The following ZNF516 variants were observed in gnomAD, a reference collection of about 807,000 sequenced individuals.
ZNF516 encodes the protein zinc finger protein 516.
Under a neutral mutation model 79.7 loss-of-function variants are expected in ZNF516, and 19 were observed. The observed-to-expected ratio is 0.24, with a 90% CI of 0.17 to 0.35. The LOEUF is 0.35. Ranked by LOEUF, ZNF516 falls within the 10% of genes least tolerant of loss-of-function variation. ZNF516 has a pLI of 1.00. For synonymous variants in ZNF516, 877 were observed against 739.5 expected, an observed-to-expected ratio of 1.19 and a Z score of -3.02; for missense variants, 1,678 against 1,679.5, an observed-to-expected ratio of 1.00 and a Z score of 0.02.
intron 1 of ZNF516, among the ~76,000 whole-genome samples, chr18:76,487,617 T>C (rs974365285): frequency 6.6e-6 from 1 of 152,218 alleles, no homozygotes; most frequent in African/African-American, 2.4e-5. Flanking sequence ...GACATGATTC[T>C]TTTCTTACAA....
At chr18:76,418,500 GTAACACGCACTGTAACACACTA>G (rs1187944025) in intron 3 of ZNF516, among the ~76,000 whole-genome samples, 4 of 151,722 alleles carry the variant, frequency 2.6e-5, no homozygotes, top group Admixed American at 6.6e-5. Flanking sequence ...AACATACGCT[GTAACACGCACTGTAACACACTA>G]TAACACGCAC....
Position 76,380,223 on chromosome 18 carries a change from C to G in ZNF516, c.1891G>C (p.Gly631Arg). 1 of 1,614,008 alleles carries G rather than the reference C, an allele frequency of 6.2e-7. No individual in the cohort carries two copies. The highest frequency in any genetic ancestry group is 1.1e-5 in the South Asian group (1 of 91,076). ...GTGTCTCTTTCCGAGGCGTTATCTC[C>G]CATCTTGTGACTCTGGTCTCCACTG... ...LSSGDQSHKM[G>R]DNASERDTGE... The change falls in exon 4 of 7, where the codon GGA becomes CGA. Residue 631 changes from glycine to arginine, a missense_variant. Gly to Arg is a moderately radical substitution (Grantham distance 125). This residue lies in a region of ZNF516 where 1,294 missense variants were observed against 1,248.3 expected (regional missense o/e 1.04). Coordinates refer to ENST00000443185, the MANE Select transcript of ZNF516 (RefSeq NM_014643.4).
intron 6 of ZNF516, among the ~76,000 whole-genome samples, chr18:76,369,424 A>G (rs1265732863): frequency 6.8e-6 from 1 of 147,336 alleles, no homozygotes; most frequent in Non-Finnish European, 1.5e-5. Flanking sequence ...AAAAAACAAA[A>G]ACAAAAACAA....
chr18:76,437,443 A>AT (rs397719015), intron 3 of ZNF516, among the ~76,000 whole-genome samples: 84,110 of 149,736 alleles, frequency 0.56, 23,634 homozygotes, highest in South Asian at 0.68. Context: ...CCTTGACCAT[A>AT]TTTTTTTTTT....
At chr18:76,481,024 C>T (rs1914494395) in intron 1 of ZNF516, among the ~76,000 whole-genome samples, 1 of 152,192 alleles carries the variant, frequency 6.6e-6, no homozygotes, top group Non-Finnish European at 1.5e-5. Context: ...TTGCTGACCC[C>T]TGCCCTGGAG....
intron 2 of ZNF516, among the ~76,000 whole-genome samples, chr18:76,456,652 G>A (rs994775156): frequency 6.6e-6 from 1 of 151,232 alleles, no homozygotes; most frequent in Non-Finnish European, 1.5e-5. Context: ...AACCCCGACG[G>A]TCAGAATGAA....
intron 3 of ZNF516, among the ~76,000 whole-genome samples, chr18:76,408,950 A>C (rs1382165498): frequency 1.3e-5 from 2 of 152,234 alleles, no homozygotes; most frequent in Non-Finnish European, 2.9e-5. Context: ...CCCACTCAGA[A>C]GCCAAGCCAA....
intron 3 of ZNF516, among the ~76,000 whole-genome samples, chr18:76,411,415 G>A (rs1322038904): frequency 3.9e-5 from 6 of 152,128 alleles, no homozygotes; most frequent in African/African-American, 9.7e-5. Flanking sequence ...AGCAAGTCGC[G>A]GCTTCAACAA....
chr18:76,397,097 C>T (rs1451788934), intron 3 of ZNF516, among the ~76,000 whole-genome samples: 2 of 152,206 alleles, frequency 1.3e-5, no homozygotes, highest in East Asian at 3.8e-4. Flanking sequence ...CTACGCAGTT[C>T]AGAAGCAGGT....
chr18:76,455,855 C>A (rs530672614), intron 2 of ZNF516, among the ~76,000 whole-genome samples: 1 of 152,146 alleles, frequency 6.6e-6, no homozygotes, highest in Non-Finnish European at 1.5e-5. Context: ...GCTTGCCCAC[C>A]GAACCAAGGT....
chr18:76,430,156 C>T (rs1260391290), intron 3 of ZNF516, among the ~76,000 whole-genome samples: 1 of 152,158 alleles, frequency 6.6e-6, no homozygotes, highest in Non-Finnish European at 1.5e-5. Flanking sequence ...ATGATGCTTC[C>T]GAAGGTTTAG....
At chr18:76,492,589 C>G (rs1042899125) in intron 1 of ZNF516, 3 of 452,736 alleles carry the variant, frequency 6.6e-6, no homozygotes, top group Admixed American at 1.3e-4. Context: ...TTTCAGCAAT[C>G]CGCGTTCTCA....
At chr18:76,405,128 G>C (rs2075287054) in intron 3 of ZNF516, among the ~76,000 whole-genome samples, 1 of 152,192 alleles carries the variant, frequency 6.6e-6, no homozygotes, top group South Asian at 2.1e-4. Context: ...GCCAAGATAA[G>C]GACACACCCT....
chr18:76,439,573 T>C (rs1393276519), intron 3 of ZNF516, among the ~76,000 whole-genome samples: 2 of 152,194 alleles, frequency 1.3e-5, no homozygotes, highest in Non-Finnish European at 2.9e-5. Flanking sequence ...CTCTAAAATT[T>C]AATGAGCCTG....
In ZNF516 at chr18:76,370,608, G is replaced by C; in HGVS notation, c.3365-13C>G. The C allele has an allele frequency of 1.3e-6, 2 of 1,592,136 alleles. No individual in the cohort carries two copies. Among genetic ancestry groups the C allele is most frequent in the Non-Finnish European group, 1.7e-6 (2 of 1,168,332 alleles). ...GACTCAAACACCACTGTGGGAACAA[G>C]GGGTTTGTTAACAGATCAGCGTGTG... On this transcript the variant is annotated splice_polypyrimidine_tract_variant and intron_variant, in intron 5 of 6. Coordinates refer to ENST00000443185, the MANE Select transcript of ZNF516 (RefSeq NM_014643.4).
At chr18:76,477,038 AATATTC>A (rs754703644) in intron 1 of ZNF516, among the ~76,000 whole-genome samples, 20 of 152,210 alleles carry the variant, frequency 1.3e-4, no homozygotes, top group Admixed American at 3.3e-4. Context: ...TTTATGCAGA[AATATTC>A]GTTTGCCTAC....
intron 3 of ZNF516, among the ~76,000 whole-genome samples, chr18:76,391,976 G>A (rs764820791): frequency 3.3e-5 from 5 of 152,192 alleles, no homozygotes; most frequent in Admixed American, 6.5e-5. Context: ...GAGGGACGGC[G>A]AGGCAAACAA....
At chr18:76,381,115 G>C (rs2074886059) in intron 3 of ZNF516, among the ~76,000 whole-genome samples, 1 of 152,180 alleles carries the variant, frequency 6.6e-6, no homozygotes, top group Non-Finnish European at 1.5e-5. Flanking sequence ...GGGATGGTGT[G>C]GTCAGAACCC....
intron 2 of ZNF516, among the ~76,000 whole-genome samples, chr18:76,458,889 G>A (rs762228901): frequency 9.2e-5 from 14 of 151,594 alleles, no homozygotes; most frequent in Non-Finnish European, 1.3e-4. Context: ...GTGTGTGTGC[G>A]TGCCTGTGTG....
Sources: allele counts gnomAD v4.1 joint callset (sites outside exome capture counted in the v4.1 genomes callset), GRCh38; gene constraint gnomAD v4.1.1; regional missense constraint gnomAD v4.1.1; transcripts MANE v1.5; gene names NCBI Gene and HGNC (gene_info 2026-07-23, HGNC 2026-07-21).